The following FAAH2 variants were observed in gnomAD, a reference collection of about 807,000 sequenced individuals.
FAAH2 encodes the protein fatty acid amide hydrolase 2.
A neutral mutation model predicts 36.9 loss-of-function variants in FAAH2; 60 were observed. That is an observed-to-expected ratio of 1.63 (90% confidence interval 1.32 to 2.02). The LOEUF is 2.02. FAAH2 is among the 30% of genes most tolerant of loss of function. FAAH2 has a pLI of 0.00. For synonymous variants in FAAH2, 214 were observed against 143.8 expected, an observed-to-expected ratio of 1.49 and a Z score of -3.49; for missense variants, 689 against 397.5, an observed-to-expected ratio of 1.73 and a Z score of -6.23.
the FAAH2 span, chrX:57,135,376 C>A: frequency 6.3e-6 from 1 of 159,222 alleles, no homozygotes; most frequent in East Asian, 1.7e-4. Flanking sequence ...ATAGGTCATC[C>A]CCTCCCCCAA....
At chrX:57,191,743 C>A in the FAAH2 span, among the ~76,000 whole-genome samples, 2 of 111,963 alleles carry the variant, frequency 1.8e-5, no homozygotes, top group Non-Finnish European at 3.8e-5. Context: ...AAGAGAAGGT[C>A]TTTTCCTCAG....
At chrX:57,357,735 G>T (rs913518242) in intron 5 of FAAH2, among the ~76,000 whole-genome samples, 2 of 111,649 alleles carry the variant, frequency 1.8e-5, no homozygotes, top group African/African-American at 6.5e-5. Flanking sequence ...TACACTGTTG[G>T]TTAGAGTGTA....
chrX:57,216,586 ATGTATATATATG>A, the FAAH2 span, among the ~76,000 whole-genome samples: 193 of 30,455 alleles, frequency 6.3e-3, 14 homozygotes, highest in African/African-American at 0.039. Context: ...ATATATGTAT[ATGTATATATATG>A]TATATATATA....
the FAAH2 span, among the ~76,000 whole-genome samples, chrX:57,245,880 G>A: frequency 9.0e-6 from 1 of 111,263 alleles, no homozygotes; most frequent in Non-Finnish European, 1.9e-5. Context: ...TAAGATCAGA[G>A]CAAAACTGAA....
chrX:57,313,477 A>AAATG (rs1420254699), intron 3 of FAAH2, among the ~76,000 whole-genome samples: 4 of 110,019 alleles, frequency 3.6e-5, no homozygotes, highest in Admixed American at 2.9e-4. Flanking sequence ...ATAAATAAAT[A>AAATG]AATAAATACA....
At position 57,469,228 on chromosome X, in the gene FAAH2, G is replaced by A. The variant is rs145890338; in HGVS notation, c.1424-19529G>A. On this transcript the variant is annotated intron_variant, in intron 10 of 10. Coordinates refer to ENST00000374900, the MANE Select transcript of FAAH2 (RefSeq NM_174912.4). Reference sequence around the variant, plus strand: ...TAACCAGCTAACATCATAATGAAAGGATCAAATTCACACATACCAATATTA... The same window carrying A: ...TAACCAGCTAACATCATAATGAAAGAATCAAATTCACACATACCAATATTA... Among the ~76,000 whole-genome samples, 1,043 of 111,714 alleles carry A rather than the reference G, an allele frequency of 9.3e-3. 44 individuals carry two copies. Among genetic ancestry groups the A allele is most frequent in the Admixed American group, 0.083 (869 of 10,478 alleles).
chrX:57,349,988 AT>A (rs1207056215), intron 5 of FAAH2, among the ~76,000 whole-genome samples: 2 of 110,837 alleles, frequency 1.8e-5, no homozygotes, highest in Non-Finnish European at 3.8e-5. Context: ...GTGAACAATG[AT>A]TTTTAAAAAC....
intron 2 of FAAH2, among the ~76,000 whole-genome samples, chrX:57,292,927 C>CG (rs2052027341): frequency 9.0e-6 from 1 of 111,547 alleles, no homozygotes; most frequent in South Asian, 3.8e-4. Flanking sequence ...GGAGAACCCC[C>CG]CTACACATGC....
chrX:57,212,878 GAAT>G, the FAAH2 span, among the ~76,000 whole-genome samples: 2 of 111,834 alleles, frequency 1.8e-5, no homozygotes, highest in African/African-American at 6.5e-5. Context: ...TAATCCATTA[GAAT>G]AATTTCAGGA....
At chrX:57,362,105 A>C in intron 5 of FAAH2, among the ~76,000 whole-genome samples, 1 of 110,135 alleles carries the variant, frequency 9.1e-6, no homozygotes, top group East Asian at 2.8e-4. Flanking sequence ...TTTTTTTTCA[A>C]ATTTTATTTT....
chrX:57,167,700 A>G, the FAAH2 span, among the ~76,000 whole-genome samples: 3 of 111,529 alleles, frequency 2.7e-5, no homozygotes, highest in East Asian at 2.8e-4. Context: ...ATGCATTTCA[A>G]TTCTTGGGAT....
chrX:57,148,214 CT>C, the FAAH2 span, among the ~76,000 whole-genome samples: 1 of 111,583 alleles, frequency 9.0e-6, no homozygotes, highest in Admixed American at 9.5e-5. Flanking sequence ...CGGCTTTGTT[CT>C]TTTGGCTTAG....
chrX:57,467,312 C>T (rs1334736240), intron 10 of FAAH2, among the ~76,000 whole-genome samples: 1 of 110,942 alleles, frequency 9.0e-6, no homozygotes, highest in Non-Finnish European at 1.9e-5. Flanking sequence ...CATCGCCTCT[C>T]CCAGGAAGTG....
the FAAH2 span, among the ~76,000 whole-genome samples, chrX:57,151,330 C>G: frequency 3.6e-5 from 4 of 112,121 alleles, no homozygotes; most frequent in Middle Eastern, 4.6e-3. Flanking sequence ...TGGGGAAGTT[C>G]TCCTGGATAA....
chrX:57,333,566 G>T (rs1409816027), intron 4 of FAAH2, among the ~76,000 whole-genome samples: 2 of 104,648 alleles, frequency 1.9e-5, no homozygotes, highest in Non-Finnish European at 3.9e-5. Context: ...AAGACAGATG[G>T]GAACTTCAAG....
chrX:57,365,078 T>G (rs1216529260), intron 5 of FAAH2, among the ~76,000 whole-genome samples: 1 of 111,648 alleles, frequency 9.0e-6, no homozygotes, highest in Non-Finnish European at 1.9e-5. Context: ...AAAGATTTAT[T>G]CCAGAATACC....
chrX:57,473,155 T>G (rs1318765364), intron 10 of FAAH2, among the ~76,000 whole-genome samples: 1 of 111,551 alleles, frequency 9.0e-6, no homozygotes, highest in Non-Finnish European at 1.9e-5. Flanking sequence ...CTCCTTTTCA[T>G]GTAGGCATTT....
upstream of FAAH2, among the ~76,000 whole-genome samples, chrX:57,282,872 G>T (rs1276247273): frequency 2.7e-5 from 3 of 112,140 alleles, no homozygotes; most frequent in Non-Finnish European, 5.6e-5. Flanking sequence ...GTAGACCTCT[G>T]TTTGGCACTT....
chrX:57,179,741 C>T, the FAAH2 span, among the ~76,000 whole-genome samples: 2 of 111,474 alleles, frequency 1.8e-5, no homozygotes, highest in Non-Finnish European at 3.8e-5. Flanking sequence ...ATATTCAGGA[C>T]CTGAACCCAG....
Sources: gnomAD v4.1 joint callset for allele counts (sites outside exome capture counted in the v4.1 genomes callset) on GRCh38, gnomAD v4.1.1 for gene constraint, MANE v1.5 for transcripts, NCBI Gene and HGNC (gene_info 2026-07-23, HGNC 2026-07-21) for gene names.